Variants in TEC observed in about 807,000 individuals in gnomAD.
TEC encodes the protein tec protein tyrosine kinase.
A neutral mutation model predicts 93.0 loss-of-function variants in TEC; 72 were observed. That is an observed-to-expected ratio of 0.77 (90% CI 0.64 to 0.94). The LOEUF is 0.94. Among genes scored for constraint, TEC ranks in the 40% least tolerant of loss-of-function variants. The probability of loss-of-function intolerance (pLI) is 0.00; values close to 1 mark genes in which losing one functional copy is unlikely to be tolerated. For missense variants in TEC, 630 were observed against 757.9 expected (o/e 0.83, Z 1.98); for synonymous variants, 249 against 247.7 (o/e 1.01, Z -0.05).
intron 2 of TEC, among the ~76,000 whole-genome samples, chr4:48,186,350 G>A (rs897995018): frequency 9.9e-5 from 15 of 151,696 alleles, no homozygotes; most frequent in African/African-American, 3.1e-4. Flanking sequence ...CCTCTGACCA[G>A]CCGCCCAGTC....
At chr4:48,265,110 A>G (rs1489687993) in intron 1 of TEC, among the ~76,000 whole-genome samples, 2 of 152,122 alleles carry the variant, frequency 1.3e-5, no homozygotes, top group East Asian at 3.9e-4. Flanking sequence ...TGCTCCAAAA[A>G]ATCATTAAGC....
chr4:48,171,309 T>C (rs1249179385), intron 4 of TEC, 59 bp downstream of exon 4: 1 of 1,394,138 alleles, frequency 7.2e-7, no homozygotes, highest in Admixed American at 2.0e-5. Flanking sequence ...TCTGTCTTAA[T>C]GATAACAATA....
At chr4:48,223,146 CA>C (rs144461985) in intron 2 of TEC, among the ~76,000 whole-genome samples, 71,096 of 151,680 alleles carry the variant, frequency 0.47, 16,912 homozygotes, top group Admixed American at 0.56. Context: ...AATATATACA[CA>C]AAAAAATGTT....
chr4:48,232,481 C>T (rs1430668614), intron 1 of TEC, among the ~76,000 whole-genome samples: 1 of 152,170 alleles, frequency 6.6e-6, no homozygotes, highest in Non-Finnish European at 1.5e-5. Context: ...AAAAAAGTCT[C>T]CTAGTTCCTA....
chr4:48,151,879 C>T (rs1720184639), intron 9 of TEC, among the ~76,000 whole-genome samples: 2 of 152,220 alleles, frequency 1.3e-5, no homozygotes, highest in African/African-American at 4.8e-5. Flanking sequence ...CACTAAAGGT[C>T]AAATCTTTCT....
At chr4:48,224,788 G>A (rs1471587133) in intron 2 of TEC, among the ~76,000 whole-genome samples, 1 of 152,218 alleles carries the variant, frequency 6.6e-6, no homozygotes, top group Non-Finnish European at 1.5e-5. Flanking sequence ...AACAAGCACA[G>A]AAAGGTTTAT....
intron 2 of TEC, among the ~76,000 whole-genome samples, chr4:48,178,100 C>T (rs1374902106): frequency 1.3e-5 from 2 of 152,190 alleles, no homozygotes; most frequent in African/African-American, 4.8e-5. Flanking sequence ...CCCTTCATGC[C>T]TGGCTATGGA....
At chr4:48,204,754 C>T (rs1166377061) in intron 2 of TEC, among the ~76,000 whole-genome samples, 1 of 152,212 alleles carries the variant, frequency 6.6e-6, no homozygotes, top group Non-Finnish European at 1.5e-5. Flanking sequence ...GGTTCGTGCT[C>T]CTATCAGGAT....
At chr4:48,249,518 A>G (rs897707046) in intron 1 of TEC, among the ~76,000 whole-genome samples, 4 of 152,242 alleles carry the variant, frequency 2.6e-5, no homozygotes, top group African/African-American at 7.2e-5. Flanking sequence ...AAAATTTTTT[A>G]AATGCTAGTA....
intron 2 of TEC, among the ~76,000 whole-genome samples, chr4:48,205,507 C>G (rs1457698505): frequency 2.0e-5 from 3 of 152,176 alleles, no homozygotes; most frequent in Non-Finnish European, 2.9e-5. Flanking sequence ...CATCACTGTC[C>G]CCTGCATTTT....
chr4:48,175,561 G>A (rs925192059), intron 3 of TEC, among the ~76,000 whole-genome samples: 2 of 152,148 alleles, frequency 1.3e-5, no homozygotes, highest in South Asian at 2.1e-4. Context: ...TCAGGACGCC[G>A]GACCCTCCTC....
chr4:48,179,338 GTATATATATATATATATATATATATA>G lies in TEC; in HGVS notation c.139-3178_139-3153del, dbSNP rs61241595. Among the ~76,000 whole-genome samples, 342 of 51,668 alleles carry G rather than the reference GTATATATATATATATATATATATATA, an allele frequency of 6.6e-3. 23 individuals are homozygous for G. Among genetic ancestry groups the G allele is most frequent in the Middle Eastern group, 0.043 (2 of 46 alleles). The allele number at this position is 51,668 out of a possible 152,430, so 33.9% of individuals were successfully genotyped here. The stretch of plus-strand genomic sequence containing the variant: ...CAACTATCATGTAATGACGTGGGTA[GTATATATATATATATATATATATATA>G]TATATATATATATTTTTTTTTTTTT... On this transcript the variant is annotated intron_variant, in intron 2 of 17. Coordinates refer to ENST00000381501, the MANE Select transcript of TEC (RefSeq NM_003215.3).
intron 2 of TEC, among the ~76,000 whole-genome samples, chr4:48,221,529 T>A (rs1363073565): frequency 1.3e-5 from 2 of 152,202 alleles, no homozygotes; most frequent in Non-Finnish European, 2.9e-5. Context: ...CTTTGTAAAT[T>A]ACCCAGTCTT....
Position 48,199,455 on chromosome 4 carries a change from C to CTTTTTTTTTTTTTTTTT in TEC, c.139-23286_139-23270dup, listed in dbSNP as rs34965891. Among the ~76,000 whole-genome samples, 55 of 67,356 alleles carry CTTTTTTTTTTTTTTTTT rather than the reference C, an allele frequency of 8.2e-4. 5 individuals are homozygous for CTTTTTTTTTTTTTTTTT. The highest frequency in any genetic ancestry group is 1.2e-3 in the Non-Finnish European group (48 of 38,660). The allele number at this position is 67,356 out of a possible 152,430, so 44.2% of individuals were successfully genotyped here. ...CTGGGCTACAGAAAGGATTTTCTTT[C>CTTTTTTTTTTTTTTTTT]TTTTTTTTTTTTTTTTTTTTTTTTT... On this transcript the variant is annotated intron_variant, in intron 2 of 17. Coordinates refer to ENST00000381501, the MANE Select transcript of TEC (RefSeq NM_003215.3).
At chr4:48,267,233 AGC>A (rs1724662504) in intron 1 of TEC, among the ~76,000 whole-genome samples, 1 of 152,146 alleles carries the variant, frequency 6.6e-6, no homozygotes, top group African/African-American at 2.4e-5. Flanking sequence ...GTTTTGAAAA[AGC>A]CCATCCTTGT....
intron 1 of TEC, among the ~76,000 whole-genome samples, chr4:48,260,350 G>A (rs549892754): frequency 8.5e-5 from 13 of 152,296 alleles, no homozygotes; most frequent in East Asian, 3.9e-4. Flanking sequence ...TTGGGAGGCC[G>A]AGGTGGGAGA....
At chr4:48,218,116 G>C (rs1472886610) in intron 2 of TEC, among the ~76,000 whole-genome samples, 2 of 152,070 alleles carry the variant, frequency 1.3e-5, no homozygotes, top group African/African-American at 4.8e-5. Context: ...TAAAAACACA[G>C]ATATGAATCA....
At chr4:48,201,873 CAG>C (rs906101428) in intron 2 of TEC, among the ~76,000 whole-genome samples, 3 of 151,990 alleles carry the variant, frequency 2.0e-5, no homozygotes, top group Admixed American at 6.5e-5. Flanking sequence ...ACAGCCCAGT[CAG>C]TGGTTCCTCA....
At chr4:48,182,369 C>A (rs1025428457) in intron 2 of TEC, among the ~76,000 whole-genome samples, 17 of 151,938 alleles carry the variant, frequency 1.1e-4, no homozygotes, top group African/African-American at 4.1e-4. Flanking sequence ...TATTCTATAG[C>A]CTTTGCCCTG....
Sources: gnomAD v4.1 joint callset for allele counts (sites outside exome capture counted in the v4.1 genomes callset) on GRCh38, gnomAD v4.1.1 for gene constraint, MANE v1.5 for transcripts, NCBI Gene and HGNC (gene_info 2026-07-23, HGNC 2026-07-21) for gene names.